Variants in NRG2 observed in about 807,000 individuals in gnomAD.
NRG2 encodes neuregulin 2, also known as pro-neuregulin-2, membrane-bound isoform.
Under a neutral mutation model 73.9 loss-of-function variants are expected in NRG2, and 27 were observed. The ratio of observed to expected loss-of-function variants is 0.37; its 90% CI spans 0.27 to 0.50. The LOEUF is 0.50. Ranked by LOEUF, NRG2 falls within the 20% of genes least tolerant of loss-of-function variation. The pLI is 0.96. For missense variants in NRG2, 1,126 were observed against 1,210.1 expected, an observed-to-expected ratio of 0.93 and a Z score of 1.03; for synonymous variants, 532 against 541.0, an observed-to-expected ratio of 0.98 and a Z score of 0.23.
At chr5:139,925,867 C>A (rs1389565113) in intron 1 of NRG2, among the ~76,000 whole-genome samples, 2 of 152,198 alleles carry the variant, frequency 1.3e-5, no homozygotes, top group African/African-American at 4.8e-5. Flanking sequence ...GACCTCCAGG[C>A]CCCACCTCTC....
At chr5:139,903,417 A>G (rs1765012861) in intron 1 of NRG2, among the ~76,000 whole-genome samples, 1 of 152,236 alleles carries the variant, frequency 6.6e-6, no homozygotes, top group South Asian at 2.1e-4. Context: ...CGTACAAAAC[A>G]CATAAAATTA....
intron 1 of NRG2, among the ~76,000 whole-genome samples, chr5:139,978,538 G>A (rs896767438): frequency 8.5e-5 from 13 of 152,138 alleles, no homozygotes; most frequent in African/African-American, 2.7e-4. Flanking sequence ...TCAGTGTGGC[G>A]ATTCCTCAGG....
intron 1 of NRG2, among the ~76,000 whole-genome samples, chr5:140,035,147 T>C (rs948922635): frequency 3.3e-5 from 5 of 152,168 alleles, no homozygotes; most frequent in African/African-American, 1.2e-4. Flanking sequence ...TTTTTATTAT[T>C]CCATAAACAT....
chr5:139,960,712 T>C (rs929366628), intron 1 of NRG2, among the ~76,000 whole-genome samples: 1 of 152,214 alleles, frequency 6.6e-6, no homozygotes, highest in Non-Finnish European at 1.5e-5. Flanking sequence ...TTATTAGTGT[T>C]GTTAATTGCT....
chr5:139,907,536 A>C (rs1173618910), intron 1 of NRG2, among the ~76,000 whole-genome samples: 1 of 152,190 alleles, frequency 6.6e-6, no homozygotes, highest in Non-Finnish European at 1.5e-5. Context: ...CAGCAAGAAA[A>C]AAATGGCTCA....
In NRG2 at chr5:140,023,175, T is replaced by A. The variant is rs145548285; in HGVS notation, c.700+19195A>T. Among the ~76,000 whole-genome samples, 258 of 152,332 alleles carry A rather than the reference T, an allele frequency of 1.7e-3. 2 individuals are homozygous for A. The highest frequency in any genetic ancestry group is 6.8e-3 in the Middle Eastern group (2 of 294). ...CTCCAATACCTACAATGGCAACCTATCACCTCCAGAACCAAGTCCAAATTC... is the reference window on the plus strand; with the variant it reads ...CTCCAATACCTACAATGGCAACCTAACACCTCCAGAACCAAGTCCAAATTC... On this transcript the variant is annotated intron_variant, in intron 1 of 9. Transcript: ENST00000361474.
Position 140,043,225 on chromosome 5 carries a change from C to A in NRG2, c.-156G>T. 2 of 779,480 alleles carry A rather than the reference C, an allele frequency of 2.6e-6. No individual in the cohort carries two copies. The highest frequency in any genetic ancestry group is 3.9e-6 in the Non-Finnish European group (2 of 517,406). 48.3% of individuals were successfully genotyped at this position (779,480 alleles called of 1,614,324 possible). ...TGGCCCAGCTAGGGCAGGGGGCAGG[C>A]GGCAAGCGGGCCGCGATGCGCAGCG... On this transcript the variant is annotated 5_prime_UTR_variant, in exon 1 of 10. Transcript: ENST00000361474. This position sits in a 1 kb window ranked among gnomAD's most constrained non-coding sequence, Gnocchi z 6.7.
intron 1 of NRG2, among the ~76,000 whole-genome samples, chr5:139,952,760 C>CGTGTGTGTGT (rs1440339174): frequency 6.6e-6 from 1 of 151,828 alleles, no homozygotes. Flanking sequence ...TGGGGCGGTG[C>CGTGTGTGTGT]GTGTGTGTGT....
rs2127002864 is a variant in NRG2 at position 139,852,606 on chromosome 5, G to T, written c.1417-47C>A. ...GAGAGTTAGTGACTGGGGCCCAAATGAACTCTTTCTTGTTGGGGACAGGGA... is the reference window on the plus strand; with the variant it reads ...GAGAGTTAGTGACTGGGGCCCAAATTAACTCTTTCTTGTTGGGGACAGGGA... On this transcript the variant is annotated intron_variant, in intron 7 of 9. Coordinates refer to ENST00000361474, the MANE Select transcript of NRG2 (RefSeq NM_004883.3). This position sits in a 1 kb window ranked among gnomAD's most constrained non-coding sequence, Gnocchi z 4.4. 1 of 1,598,130 alleles carries T rather than the reference G, an allele frequency of 6.3e-7. No individual in the cohort carries two copies. Among genetic ancestry groups the T allele is most frequent in the Non-Finnish European group, 8.5e-7 (1 of 1,171,674 alleles).
At chr5:140,022,856 C>T (rs1293204410) in intron 1 of NRG2, among the ~76,000 whole-genome samples, 1 of 152,038 alleles carries the variant, frequency 6.6e-6, no homozygotes, top group Non-Finnish European at 1.5e-5. Context: ...ATTGCTTTTC[C>T]TCATAATTTC....
intron 1 of NRG2, among the ~76,000 whole-genome samples, chr5:139,925,841 C>G (rs1752018365): frequency 6.6e-6 from 1 of 152,176 alleles, no homozygotes. Context: ...CCTCCTTCAC[C>G]TGCCTGGCCA....
intron 1 of NRG2, among the ~76,000 whole-genome samples, chr5:139,966,244 C>T (rs1262088629): frequency 1.3e-5 from 2 of 152,188 alleles, no homozygotes; most frequent in African/African-American, 4.8e-5. Flanking sequence ...GCAGGAAGTT[C>T]TTCAAGGAAG....
At chr5:139,878,082 C>T (rs992648371) in intron 3 of NRG2, among the ~76,000 whole-genome samples, 1 of 152,256 alleles carries the variant, frequency 6.6e-6, no homozygotes, top group African/African-American at 2.4e-5. Context: ...GTCTCACCAC[C>T]TCTGGCCACA....
At chr5:140,014,492 C>T in intron 1 of NRG2, among the ~76,000 whole-genome samples, 1 of 152,180 alleles carries the variant, frequency 6.6e-6, no homozygotes, top group East Asian at 1.9e-4. Flanking sequence ...CCGTCTCAGC[C>T]TCCCAAAGTG....
rs1258873635 is a variant in NRG2, at chr5:139,887,618, G to T, written c.701-107C>A. 2 of 1,008,496 alleles carry T rather than the reference G, an allele frequency of 2.0e-6. No homozygotes were observed. Among genetic ancestry groups the T allele is most frequent in the Non-Finnish European group, 3.0e-6 (2 of 675,104 alleles). The allele number at this position is 1,008,496 out of a possible 1,614,324, so 62.5% of individuals were successfully genotyped here. A position where few individuals can be genotyped will look rare whatever the true frequency, so the allele number is the denominator to read the frequency against. ...GTCTTTGGGCTGGAACTGGGGAAGG[G>T]AAGGGTGATCCTGAGAGCCACCCCT... On this transcript the variant is annotated intron_variant, in intron 1 of 9. Coordinates refer to ENST00000361474, the MANE Select transcript of NRG2 (RefSeq NM_004883.3). This position sits in a 1 kb window ranked among gnomAD's most constrained non-coding sequence, Gnocchi z 4.5.
intron 1 of NRG2, among the ~76,000 whole-genome samples, chr5:139,940,481 T>C (rs1297179155): frequency 2.6e-5 from 4 of 152,212 alleles, no homozygotes; most frequent in Non-Finnish European, 2.9e-5. Context: ...CCTGACTGCA[T>C]ACATTTGCTA....
In NRG2 at chr5:139,883,639, C is replaced by T. The variant is rs529013691; in HGVS notation, c.873-2665G>A. ...AGAACATTTTGCCAGAAAGCAGACT[C>T]CTGCCACTGCCCCTGGCCCCTCTAC... On this transcript the variant is annotated intron_variant, in intron 2 of 9. Coordinates refer to ENST00000361474, the MANE Select transcript of NRG2 (RefSeq NM_004883.3). 5.3e-5 allele frequency among the ~76,000 whole-genome samples: 8 copies of T among 152,258 alleles called. No individual in the cohort carries two copies. In the South Asian group the frequency reaches 1.2e-3, roughly 24 times the overall value.
chr5:139,917,655 C>T (rs1751362143), intron 1 of NRG2, among the ~76,000 whole-genome samples: 1 of 152,144 alleles, frequency 6.6e-6, no homozygotes, highest in Non-Finnish European at 1.5e-5. Context: ...AATGTTTATT[C>T]AGATCCTTGA....
intron 1 of NRG2, among the ~76,000 whole-genome samples, chr5:139,916,542 C>T (rs1265175367): frequency 2.0e-5 from 3 of 152,140 alleles, no homozygotes; most frequent in Non-Finnish European, 2.9e-5. Flanking sequence ...CTCTTTAGCA[C>T]CCCCTCCCCC....
Sources: allele counts gnomAD v4.1 joint callset (sites outside exome capture counted in the v4.1 genomes callset), GRCh38; gene constraint gnomAD v4.1.1; non-coding constraint Gnocchi (gnomAD v3.1); transcripts MANE v1.5; gene names NCBI Gene and HGNC (gene_info 2026-07-23, HGNC 2026-07-21).